KCNQ3: variants seen among roughly 807,000 people sequenced by gnomAD.
KCNQ3 encodes the protein potassium voltage-gated channel subfamily Q member 3, also known as potassium voltage-gated channel subfamily KQT member 3.
KCNQ3 carries 30 observed loss-of-function variants against 92.5 expected under a neutral mutation model. The ratio of observed to expected loss-of-function variants is 0.32; its 90% CI spans 0.24 to 0.44. The LOEUF (loss-of-function observed/expected upper bound fraction) is 0.44. Ranked by LOEUF, KCNQ3 falls within the 20% of genes least tolerant of loss-of-function variation. KCNQ3 has a pLI of 1.00. For missense variants in KCNQ3, 913 were observed against 1,140.3 expected (o/e 0.80, Z 2.87); for synonymous variants, 450 against 468.8 (o/e 0.96, Z 0.52).
intron 1 of KCNQ3, among the ~76,000 whole-genome samples, chr8:132,464,189 G>A (rs1484652295): frequency 6.6e-6 from 1 of 152,202 alleles, no homozygotes. Flanking sequence ...CCATAAGACT[G>A]TATCACAGCC....
intron 1 of KCNQ3, among the ~76,000 whole-genome samples, chr8:132,321,110 T>A (rs1171741556): frequency 2.6e-5 from 4 of 152,232 alleles, no homozygotes; most frequent in Non-Finnish European, 5.9e-5. Context: ...CTGTAGGTTG[T>A]GGTTATTGAG....
At chr8:132,478,955 G>A (rs1262596827) in intron 1 of KCNQ3, among the ~76,000 whole-genome samples, 2 of 149,908 alleles carry the variant, frequency 1.3e-5, no homozygotes, top group Admixed American at 1.3e-4. Context: ...AAAATCCACT[G>A]CTAAACGCGT....
At chr8:132,130,858 A>G (rs2436133) in intron 14 of KCNQ3, among the ~76,000 whole-genome samples, 55,785 of 152,150 alleles carry the variant, frequency 0.37, 10,875 homozygotes, top group Middle Eastern at 0.46. Context: ...ACATGAGTGT[A>G]TGTGCACACG....
chr8:132,157,957 C>A (rs749646086), intron 9 of KCNQ3, among the ~76,000 whole-genome samples: 13 of 152,104 alleles, frequency 8.5e-5, no homozygotes, highest in Non-Finnish European at 1.2e-4. Context: ...AATCCTTTGA[C>A]TTCTAGGTAT....
intron 1 of KCNQ3, among the ~76,000 whole-genome samples, chr8:132,283,201 C>T (rs750571028): frequency 3.3e-5 from 5 of 151,758 alleles, no homozygotes; most frequent in Admixed American, 1.3e-4. Flanking sequence ...TTTCCTGAGC[C>T]GCCATTATTA....
intron 1 of KCNQ3, chr8:132,321,539 C>A (rs1191581912): frequency 6.6e-6 from 1 of 152,598 alleles, no homozygotes; most frequent in Admixed American, 6.5e-5. Context: ...CCTTCCCACA[C>A]AGACACACAA....
chr8:132,269,573 GT>G (rs1374423097), intron 1 of KCNQ3, among the ~76,000 whole-genome samples: 1 of 152,148 alleles, frequency 6.6e-6, no homozygotes, highest in Non-Finnish European at 1.5e-5. Context: ...TGAAAGACAT[GT>G]TTTTTTACAT....
At chr8:132,477,598 G>A (rs1046598284) in intron 1 of KCNQ3, among the ~76,000 whole-genome samples, 8 of 152,200 alleles carry the variant, frequency 5.3e-5, no homozygotes, top group African/African-American at 1.9e-4. Flanking sequence ...GGAGCTCAAT[G>A]GGAATTCAAC....
Position 132,271,510 on chromosome 8 carries a change from T to C in KCNQ3, c.387-85329A>G, listed in dbSNP as rs116126039. 5.6e-3 allele frequency among the ~76,000 whole-genome samples: 851 copies of C among 152,308 alleles called. 7 individuals are homozygous for C. Among genetic ancestry groups the C allele is most frequent in the African/African-American group, 0.019 (797 of 41,572 alleles). On this transcript the variant is annotated intron_variant, in intron 1 of 14. Transcript: ENST00000388996. ...CCTTGGCTGCCATGCATTTCACTTG[T>C]AGTAACTTCCCTTAACCTACACGGA...
intron 1 of KCNQ3, among the ~76,000 whole-genome samples, chr8:132,244,112 C>G (rs1167250300): frequency 6.6e-6 from 1 of 152,176 alleles, no homozygotes; most frequent in African/African-American, 2.4e-5. Flanking sequence ...CAGAACTGGT[C>G]AGGGTCAGAG....
At chr8:132,425,848 C>T (rs997441742) in intron 1 of KCNQ3, among the ~76,000 whole-genome samples, 1 of 152,212 alleles carries the variant, frequency 6.6e-6, no homozygotes, top group African/African-American at 2.4e-5. Flanking sequence ...CCAGTCTTGG[C>T]TGTATTCAGT....
rs187601678 is a variant in KCNQ3, at chr8:132,195,684, A to G, written c.387-9503T>C. Among the ~76,000 whole-genome samples the G allele has an allele frequency of 6.3e-3, 959 of 152,346 alleles. 11 individuals carry two copies. The highest frequency in any genetic ancestry group is 0.022 in the African/African-American group (917 of 41,574). On this transcript the variant is annotated intron_variant, in intron 1 of 14. Transcript: ENST00000388996. ...AGGGTAAAGTTCCAACTCTTTAGAA[A>G]GGTAAACCAGGTTCCCCCCAAATCA...
intron 1 of KCNQ3, among the ~76,000 whole-genome samples, chr8:132,460,878 C>G (rs1171967033): frequency 1.3e-5 from 2 of 152,192 alleles, no homozygotes; most frequent in East Asian, 3.9e-4. Context: ...TGCGCTTCAT[C>G]TATTCCACCC....
rs141439998 is a variant in KCNQ3 at position 132,418,735 on chromosome 8, G to A, written c.386+61412C>T. ...GGAGAAGCAGAGGGTGCAGTGAGCC[G>A]AGACCATGCCACCGGACTCCAGTTT... is the stretch of plus-strand genomic sequence containing the variant. On this transcript the variant is annotated intron_variant, in intron 1 of 14. Coordinates refer to ENST00000388996, the MANE Select transcript of KCNQ3 (RefSeq NM_004519.4). 3.2e-3 allele frequency among the ~76,000 whole-genome samples: 483 copies of A among 152,284 alleles called. 2 individuals are homozygous for A. The highest frequency in any genetic ancestry group is 0.011 in the African/African-American group (462 of 41,550).
At chr8:132,460,053 T>C (rs1259471203) in intron 1 of KCNQ3, among the ~76,000 whole-genome samples, 1 of 152,204 alleles carries the variant, frequency 6.6e-6, no homozygotes, top group Non-Finnish European at 1.5e-5. Context: ...CCCATCAATA[T>C]GGGATTTTTT....
intron 1 of KCNQ3, among the ~76,000 whole-genome samples, chr8:132,248,855 C>T (rs1815285554): frequency 1.3e-5 from 2 of 152,216 alleles, no homozygotes; most frequent in African/African-American, 4.8e-5. Flanking sequence ...AGGTATTTGT[C>T]TTCAGTGGAA....
intron 1 of KCNQ3, among the ~76,000 whole-genome samples, chr8:132,468,340 C>T (rs1216526461): frequency 6.6e-6 from 1 of 152,200 alleles, no homozygotes; most frequent in Non-Finnish European, 1.5e-5. Flanking sequence ...GTATATTCTC[C>T]TAGCCCAGGA....
intron 1 of KCNQ3, among the ~76,000 whole-genome samples, chr8:132,282,506 CTCT>C (rs528974508): frequency 3.2e-4 from 49 of 152,182 alleles, no homozygotes; most frequent in Non-Finnish European, 5.6e-4. Flanking sequence ...CCCTCTTTGT[CTCT>C]TCTTTCTTCC....
intron 9 of KCNQ3, among the ~76,000 whole-genome samples, chr8:132,152,100 CG>C (rs1825653980): frequency 6.6e-6 from 1 of 152,110 alleles, no homozygotes; most frequent in Non-Finnish European, 1.5e-5. Context: ...TTTCAAAAGA[CG>C]GTTTATAATA....
Sources: allele counts gnomAD v4.1 joint callset (sites outside exome capture counted in the v4.1 genomes callset), GRCh38; gene constraint gnomAD v4.1.1; transcripts MANE v1.5; gene names NCBI Gene and HGNC (gene_info 2026-07-23, HGNC 2026-07-21).